Variants in COG3 observed in about 807,000 individuals in gnomAD.
COG3 encodes the protein component of oligomeric golgi complex 3, also known as conserved oligomeric Golgi complex subunit 3.
In COG3, 32 loss-of-function variants were observed where a neutral mutation model predicts 114.1. The observed-to-expected ratio is 0.28, with a 90% CI of 0.21 to 0.38. COG3 has a LOEUF of 0.38. Ranked by LOEUF, COG3 falls within the 10% of genes least tolerant of loss-of-function variation. The probability of loss-of-function intolerance (pLI) is 1.00; values close to 1 mark genes in which losing one functional copy is unlikely to be tolerated. For missense variants in COG3, 813 were observed against 973.2 expected (o/e 0.84, Z 2.19); for synonymous variants, 352 against 365.7 (o/e 0.96, Z 0.43).
intron 16 of COG3, 109 bp from the exon 17 acceptor site, chr13:45,516,034 C>T (rs543892043): frequency 5.4e-6 from 4 of 741,138 alleles, no homozygotes; most frequent in Admixed American, 3.7e-5. Context: ...GAATTGACAC[C>T]ATAGGCTGTA....
intron 14 of COG3, 43 bp from the exon 15 acceptor site, chr13:45,509,649 T>C (rs781739953): frequency 1.9e-6 from 3 of 1,604,706 alleles, no homozygotes; most frequent in Admixed American, 1.7e-5. Context: ...AAGACAAATA[T>C]CCACATGTGT....
At position 45,495,145 on chromosome 13, in the gene COG3, CTTTTTTTTTTT is replaced by C. The variant is rs56237113; in HGVS notation, c.1328-996_1328-986del. Among the ~76,000 whole-genome samples the C allele has an allele frequency of 2.4e-3, 256 of 108,730 alleles. 5 individuals carry two copies. Among genetic ancestry groups the C allele is most frequent in the African/African-American group, 8.3e-3 (234 of 28,340 alleles). The allele number at this position is 108,730 out of a possible 152,430, so 71.3% of individuals were successfully genotyped here. ...AGCCATGAGCCACCACGCCTGGCCT[CTTTTTTTTTTT>C]TTTTTTTTTTAAATAGAGATAGGGT... On this transcript the variant is annotated intron_variant, in intron 12 of 22. Coordinates refer to ENST00000349995, the MANE Select transcript of COG3 (RefSeq NM_031431.4).
intron 13 of COG3, among the ~76,000 whole-genome samples, chr13:45,496,875 G>A (rs1868856026): frequency 6.6e-6 from 1 of 151,664 alleles, no homozygotes; most frequent in Non-Finnish European, 1.5e-5. Context: ...GGGTTTCACC[G>A]TGTTAGCCAG....
intron 13 of COG3, 114 bp downstream of exon 13, chr13:45,496,426 C>A: frequency 1.2e-6 from 1 of 837,548 alleles, no homozygotes; most frequent in Non-Finnish European, 1.5e-6. Context: ...CCCCTTGTTG[C>A]CCAGGCTGGT....
chr13:45,491,110 T>C, intron 9 of COG3, 152 bp downstream of exon 9: 1 of 622,890 alleles, frequency 1.6e-6, no homozygotes, highest in Non-Finnish European at 2.8e-6. Context: ...GTCACAGACT[T>C]AGCCAGTTTA....
chr13:45,512,146 T>A (rs2985971), intron 16 of COG3: 191,890 of 254,276 alleles, frequency 0.75, 74,610 homozygotes, highest in Middle Eastern at 0.85. Flanking sequence ...TGATACTATT[T>A]CCCTGGAATA....
chr13:45,521,865 C>T (rs1412510365), intron 19 of COG3, among the ~76,000 whole-genome samples: 9 of 144,840 alleles, frequency 6.2e-5, no homozygotes, highest in Admixed American at 2.2e-4. Flanking sequence ...TGCAGTGGCA[C>T]GATCTCGGCT....
chr13:45,512,190 T>C (rs1234175507), intron 16 of COG3, among the ~76,000 whole-genome samples: 1 of 152,232 alleles, frequency 6.6e-6, no homozygotes, highest in Non-Finnish European at 1.5e-5. Context: ...CATCACAATT[T>C]ATAATCATCT....
At chr13:45,529,765 C>T (rs751812514) in intron 20 of COG3, 26 bp from the exon 21 acceptor site, 12 of 1,562,406 alleles carry the variant, frequency 7.7e-6, no homozygotes, top group Non-Finnish European at 1.0e-5. Flanking sequence ...TTCTTTATGA[C>T]ACTAATGAGG....
intron 10 of COG3, 26 bp downstream of exon 10, chr13:45,491,564 A>G: frequency 6.2e-7 from 1 of 1,603,490 alleles, no homozygotes; most frequent in Non-Finnish European, 8.5e-7. Flanking sequence ...TTTTGGTTTA[A>G]TGTTAAATCT....
At chr13:45,465,246 G>A (rs767448586) in intron 1 of COG3, 36 bp downstream of exon 1, 106 of 1,604,526 alleles carry the variant, frequency 6.6e-5, no homozygotes, top group Non-Finnish European at 8.5e-5. Context: ...CGGGGCGATG[G>A]GGCTGGGATT....
intron 16 of COG3, among the ~76,000 whole-genome samples, chr13:45,512,149 C>T (rs1015337394): frequency 1.3e-5 from 2 of 152,094 alleles, no homozygotes; most frequent in Non-Finnish European, 2.9e-5. Context: ...TACTATTTCC[C>T]TGGAATACCA....
chr13:45,513,449 A>C (rs1236112810), intron 16 of COG3, among the ~76,000 whole-genome samples: 1 of 72,030 alleles, frequency 1.4e-5, no homozygotes, highest in Non-Finnish European at 2.3e-5. Flanking sequence ...CATATAAATT[A>C]TATATATAAT....
intron 2 of COG3, among the ~76,000 whole-genome samples, chr13:45,477,861 C>T (rs957197525): frequency 3.3e-5 from 5 of 152,042 alleles, no homozygotes; most frequent in Middle Eastern, 3.2e-3. Context: ...CTCCTGACCT[C>T]GTGATCTGCC....
chr13:45,493,288 A>G, intron 11 of COG3, 59 bp from the exon 12 acceptor site: 1 of 1,407,334 alleles, frequency 7.1e-7, no homozygotes, highest in Middle Eastern at 1.9e-4. Context: ...GGATTTCTAA[A>G]TTATTACAAA....
intron 13 of COG3, among the ~76,000 whole-genome samples, chr13:45,498,234 A>G (rs2985962): frequency 0.71 from 108,004 of 151,858 alleles, 40,106 homozygotes; most frequent in Admixed American, 0.81. Context: ...TTCTCGTAAG[A>G]ATAAAGACAA....
At chr13:45,479,413 G>C (rs559034400) in intron 3 of COG3, among the ~76,000 whole-genome samples, 1 of 152,288 alleles carries the variant, frequency 6.6e-6, no homozygotes, top group Non-Finnish European at 1.5e-5. Context: ...AGACTTTCAG[G>C]ATGGCCACTT....
chr13:45,518,484 A>C (rs1871776005), intron 17 of COG3, among the ~76,000 whole-genome samples: 1 of 152,274 alleles, frequency 6.6e-6, no homozygotes. Context: ...TAAAGCAGTG[A>C]AATTTTAAGG....
chr13:45,532,426 C>T (rs1418453542), intron 22 of COG3, among the ~76,000 whole-genome samples: 6 of 151,938 alleles, frequency 3.9e-5, no homozygotes, highest in Non-Finnish European at 5.9e-5. Flanking sequence ...AAAATACTTG[C>T]ATGGTTTCCA....
Sources: gnomAD v4.1 joint callset for allele counts (sites outside exome capture counted in the v4.1 genomes callset) on GRCh38, gnomAD v4.1.1 for gene constraint, MANE v1.5 for transcripts, NCBI Gene and HGNC (gene_info 2026-07-23, HGNC 2026-07-21) for gene names.